The following USH2A variants were observed in gnomAD, a reference collection of about 807,000 sequenced individuals.
The protein encoded by USH2A is Usher syndrome 2A (autosomal recessive, mild).
USH2A carries 443 observed loss-of-function variants against 538.9 expected under a neutral mutation model. That is an observed-to-expected ratio of 0.82 (90% CI 0.76 to 0.89). USH2A has a LOEUF of 0.89. Among genes scored for constraint, USH2A ranks in the 40% least tolerant of loss-of-function variants. The pLI is 0.00. For missense variants in USH2A, 6,633 were observed against 6,324.8 expected, an observed-to-expected ratio of 1.05 and a Z score of -1.65; for synonymous variants, 2,413 against 2,273.5, an observed-to-expected ratio of 1.06 and a Z score of -1.75.
chr1:215,769,910 C>T (rs895990118), intron 55 of USH2A, among the ~76,000 whole-genome samples: 1 of 152,184 alleles, frequency 6.6e-6, no homozygotes. Context: ...CAGTTTTACT[C>T]TAATTCATTG....
Position 215,702,401 on chromosome 1 carries a change from T to A in USH2A, c.12067-22025A>T, listed in dbSNP as rs576764550. ...ATTGGGGAAGTTCTCCTTGATAATATCCTGAAGTGTGTTTTCCAACTTGGT... is the reference window on the plus strand; with the variant it reads ...ATTGGGGAAGTTCTCCTTGATAATAACCTGAAGTGTGTTTTCCAACTTGGT... On this transcript the variant is annotated intron_variant, in intron 61 of 71. Coordinates refer to ENST00000307340, the MANE Select transcript of USH2A (RefSeq NM_206933.4). 5.3e-5 allele frequency among the ~76,000 whole-genome samples: 8 copies of A among 152,320 alleles called. No individual in the cohort carries two copies. In the East Asian group the frequency reaches 1.2e-3, roughly 22 times the overall value.
intron 37 of USH2A, among the ~76,000 whole-genome samples, chr1:215,948,135 C>T (rs1005413424): frequency 1.2e-4 from 18 of 151,902 alleles, no homozygotes; most frequent in African/African-American, 4.3e-4. Flanking sequence ...ATTTTTGTTC[C>T]CAATTTCTTA....
At chr1:216,151,264 C>T (rs1174383021) in intron 21 of USH2A, among the ~76,000 whole-genome samples, 2 of 152,046 alleles carry the variant, frequency 1.3e-5, no homozygotes, top group East Asian at 1.9e-4. Context: ...TCCTTCTCAC[C>T]TTTTTACTTT....
At chr1:216,035,747 T>G (rs1409908197) in intron 32 of USH2A, among the ~76,000 whole-genome samples, 1 of 152,192 alleles carries the variant, frequency 6.6e-6, no homozygotes, top group Non-Finnish European at 1.5e-5. Context: ...TATTGTTATT[T>G]TCTCTAAAAT....
At chr1:215,666,612 G>A (rs1436552396) in intron 64 of USH2A, among the ~76,000 whole-genome samples, 1 of 152,144 alleles carries the variant, frequency 6.6e-6, no homozygotes, top group Non-Finnish European at 1.5e-5. Context: ...TGGGGACTGG[G>A]TATCAGCACC....
At chr1:215,996,071 C>T (rs11807722) in intron 34 of USH2A, among the ~76,000 whole-genome samples, 6,375 of 152,132 alleles carry the variant, frequency 0.042, 427 homozygotes, top group African/African-American at 0.15. Context: ...GCACCACACC[C>T]GGCTATTCTT....
intron 43 of USH2A, among the ~76,000 whole-genome samples, chr1:215,872,468 G>A (rs1042404240): frequency 6.6e-6 from 1 of 152,126 alleles, no homozygotes; most frequent in African/African-American, 2.4e-5. Context: ...TACCAGAATT[G>A]TCAGACCTAA....
At chr1:215,753,115 C>T (rs1571651081) in intron 58 of USH2A, among the ~76,000 whole-genome samples, 1 of 152,252 alleles carries the variant, frequency 6.6e-6, no homozygotes, top group East Asian at 1.9e-4. Flanking sequence ...AATGAGATAC[C>T]ATCTCACACC....
chr1:216,195,255 G>A (rs1187705134), intron 19 of USH2A, among the ~76,000 whole-genome samples: 3 of 152,082 alleles, frequency 2.0e-5, no homozygotes, highest in Non-Finnish European at 4.4e-5. Context: ...AGAGCCAAAA[G>A]CCGTAATACA....
intron 5 of USH2A, among the ~76,000 whole-genome samples, chr1:216,326,669 G>A (rs1298136335): frequency 1.3e-5 from 2 of 152,074 alleles, no homozygotes; most frequent in East Asian, 3.9e-4. Flanking sequence ...CTTTACTGAG[G>A]CATACCTTGA....
intron 64 of USH2A, among the ~76,000 whole-genome samples, chr1:215,662,006 C>A (rs1657450749): frequency 6.6e-6 from 1 of 152,162 alleles, no homozygotes; most frequent in African/African-American, 2.4e-5. Context: ...TAATTTAAGT[C>A]CCTGAAGGGG....
intron 47 of USH2A, among the ~76,000 whole-genome samples, chr1:215,818,465 A>G (rs1662920980): frequency 6.6e-6 from 1 of 151,856 alleles, no homozygotes; most frequent in African/African-American, 2.4e-5. Flanking sequence ...TGAAAAATAT[A>G]GAACTTAAAG....
intron 21 of USH2A, chr1:216,175,027 T>C (rs1379653476): frequency 7.3e-7 from 1 of 1,376,584 alleles, no homozygotes; most frequent in Admixed American, 3.0e-5. Flanking sequence ...AGGCTGCTTC[T>C]TCATCTTCAT....
At chr1:216,210,247 A>G (rs2035210633) in intron 15 of USH2A, among the ~76,000 whole-genome samples, 1 of 150,074 alleles carries the variant, frequency 6.7e-6, no homozygotes, top group Admixed American at 6.6e-5. Context: ...TAAGTATACC[A>G]CTGGAGGCTA....
chr1:216,152,927 A>C lies in USH2A; in HGVS notation c.4627+22325T>G, dbSNP rs188995946. Among the ~76,000 whole-genome samples, 3 of 152,342 alleles carry C rather than the reference A, an allele frequency of 2.0e-5. No homozygotes were observed. The East Asian group carries it at 5.8e-4, about 29-fold the overall frequency. ...CCAGGCTCCATGAGCAGAAGAGCAG[A>C]GGAACAGGAGAATAGCAGAGCAGTG... On this transcript the variant is annotated intron_variant, in intron 21 of 71. Transcript: ENST00000307340.
intron 40 of USH2A, among the ~76,000 whole-genome samples, chr1:215,892,080 T>A (rs976354360): frequency 3.3e-5 from 5 of 152,212 alleles, no homozygotes; most frequent in African/African-American, 1.2e-4. Flanking sequence ...AATAAAATTG[T>A]TAACAGAGGA....
intron 40 of USH2A, among the ~76,000 whole-genome samples, chr1:215,891,189 G>C (rs752526759): frequency 6.6e-6 from 1 of 152,160 alleles, no homozygotes; most frequent in Non-Finnish European, 1.5e-5. Context: ...TCTTAAAGAT[G>C]ATCTCTTATC....
intron 9 of USH2A, among the ~76,000 whole-genome samples, chr1:216,305,611 G>C (rs1050134016): frequency 1.7e-4 from 26 of 151,896 alleles, no homozygotes; most frequent in African/African-American, 6.3e-4. Flanking sequence ...GGTCCTGTGA[G>C]ATTTATGCTT....
intron 5 of USH2A, among the ~76,000 whole-genome samples, chr1:216,326,348 A>G (rs1406244874): frequency 1.3e-5 from 2 of 152,222 alleles, no homozygotes; most frequent in African/African-American, 4.8e-5. Context: ...TTACCAGAGA[A>G]ACCAGGCTTT....
Sources: gnomAD v4.1 joint callset for allele counts (sites outside exome capture counted in the v4.1 genomes callset) on GRCh38, gnomAD v4.1.1 for gene constraint, MANE v1.5 for transcripts, NCBI Gene and HGNC (gene_info 2026-07-23, HGNC 2026-07-21) for gene names.